Variants in FAAH2 observed in about 807,000 individuals in gnomAD.
FAAH2 encodes fatty acid amide hydrolase 2.
A neutral mutation model predicts 36.9 loss-of-function variants in FAAH2; 60 were observed. The observed-to-expected ratio is 1.63, with a 90% CI of 1.32 to 2.02. The LOEUF (loss-of-function observed/expected upper bound fraction) is 2.02, where lower values mean the gene tolerates loss of function less well. Among genes scored for constraint, FAAH2 ranks in the 30% most tolerant of loss-of-function variants. The probability of loss-of-function intolerance (pLI) is 0.00; values close to 1 mark genes in which losing one functional copy is unlikely to be tolerated. For synonymous variants in FAAH2, 214 were observed against 143.8 expected, an observed-to-expected ratio of 1.49 and a Z score of -3.49; for missense variants, 689 against 397.5, an observed-to-expected ratio of 1.73 and a Z score of -6.23.
At chrX:57,260,422 A>T in the FAAH2 span, among the ~76,000 whole-genome samples, 1 of 112,240 alleles carries the variant, frequency 8.9e-6, no homozygotes, top group African/African-American at 3.2e-5. Context: ...CTTAACTTGA[A>T]CTGAGTTATT....
At chrX:57,344,029 T>C (rs1165476943) in intron 5 of FAAH2, among the ~76,000 whole-genome samples, 1 of 111,187 alleles carries the variant, frequency 9.0e-6, no homozygotes, top group Non-Finnish European at 1.9e-5. Context: ...AATACAGTTT[T>C]AAGTTGGGTA....
chrX:57,135,480 G>GC, the FAAH2 span: 3,789 of 248,108 alleles, frequency 0.015, 138 homozygotes, highest in African/African-American at 0.1. Context: ...TCCTTCCCCT[G>GC]CCCCCTCCAG....
At chrX:57,457,009 C>G (rs1307160096) in intron 10 of FAAH2, among the ~76,000 whole-genome samples, 1 of 111,357 alleles carries the variant, frequency 9.0e-6, no homozygotes, top group African/African-American at 3.3e-5. Flanking sequence ...AAAAAAAATT[C>G]AAGTCAATAT....
At chrX:57,170,292 CAT>C in the FAAH2 span, among the ~76,000 whole-genome samples, 5 of 111,998 alleles carry the variant, frequency 4.5e-5, no homozygotes, top group Admixed American at 1.9e-4. Context: ...CATGTTGTAA[CAT>C]GTGACAAACT....
At chrX:57,315,683 A>C (rs1423242077) in intron 3 of FAAH2, among the ~76,000 whole-genome samples, 1 of 111,985 alleles carries the variant, frequency 8.9e-6, no homozygotes, top group Admixed American at 9.5e-5. Context: ...TAGATGCAGA[A>C]AAATAACTTT....
intron 9 of FAAH2, among the ~76,000 whole-genome samples, chrX:57,448,102 G>A (rs186959167): frequency 2.0e-4 from 22 of 111,308 alleles, no homozygotes; most frequent in Admixed American, 1.5e-3. Flanking sequence ...CAATCCTCCT[G>A]CCTCAACTCC....
intron 2 of FAAH2, among the ~76,000 whole-genome samples, chrX:57,300,243 T>A (rs2052306721): frequency 9.0e-6 from 1 of 111,700 alleles, no homozygotes; most frequent in Admixed American, 9.5e-5. Flanking sequence ...AGTATGGTAC[T>A]GGTACCAAAA....
At chrX:57,475,692 A>G (rs752648881) in intron 10 of FAAH2, among the ~76,000 whole-genome samples, 86 of 112,037 alleles carry the variant, frequency 7.7e-4, no homozygotes, top group Non-Finnish European at 1.4e-3. Flanking sequence ...TTCTGGTTCC[A>G]TATGAAATTT....
intron 7 of FAAH2, among the ~76,000 whole-genome samples, chrX:57,427,007 T>G (rs2056178394): frequency 9.1e-6 from 1 of 110,253 alleles, no homozygotes; most frequent in African/African-American, 3.3e-5. Flanking sequence ...AGAATAACCA[T>G]GAGAAGAAGA....
intron 10 of FAAH2, among the ~76,000 whole-genome samples, chrX:57,453,308 A>C (rs760676534): frequency 8.9e-6 from 1 of 112,656 alleles, no homozygotes; most frequent in Non-Finnish European, 1.9e-5. Context: ...TTCAACAAAA[A>C]TTTATGAGGC....
chrX:57,471,273 G>T (rs973676705), intron 10 of FAAH2, among the ~76,000 whole-genome samples: 1 of 111,669 alleles, frequency 9.0e-6, no homozygotes, highest in Non-Finnish European at 1.9e-5. Context: ...AAGGAATAAA[G>T]GGTATTCAAT....
chrX:57,413,027 G>C (rs1050610961), intron 7 of FAAH2, among the ~76,000 whole-genome samples: 1 of 112,108 alleles, frequency 8.9e-6, no homozygotes, highest in Admixed American at 9.4e-5. Context: ...ATATCTTCTA[G>C]TGAGAAGTGT....
chrX:57,335,247 A>G (rs923836587), intron 4 of FAAH2, among the ~76,000 whole-genome samples: 2 of 111,022 alleles, frequency 1.8e-5, no homozygotes, highest in African/African-American at 6.5e-5. Context: ...AAAGAGACAC[A>G]GAGACAAAGT....
chrX:57,434,275 C>T (rs2056364890), intron 8 of FAAH2, among the ~76,000 whole-genome samples: 1 of 108,522 alleles, frequency 9.2e-6, no homozygotes, highest in Non-Finnish European at 1.9e-5. Context: ...GGGGTTTCAC[C>T]ATTTTTGGCC....
At chrX:57,295,906 G>A (rs1469646606) in intron 2 of FAAH2, among the ~76,000 whole-genome samples, 1 of 112,503 alleles carries the variant, frequency 8.9e-6, no homozygotes, top group Non-Finnish European at 1.9e-5. Flanking sequence ...GCGAGGCTGG[G>A]GGAGGGGCGC....
the FAAH2 span, chrX:57,135,457 G>C: frequency 4.6e-6 from 1 of 219,247 alleles, no homozygotes; most frequent in Non-Finnish European, 8.1e-6. Flanking sequence ...CCCCAAGACA[G>C]CCAATCTCTT....
At chrX:57,251,622 A>T in the FAAH2 span, among the ~76,000 whole-genome samples, 1 of 112,100 alleles carries the variant, frequency 8.9e-6, no homozygotes, top group Admixed American at 9.5e-5. Flanking sequence ...AAAAACTGTT[A>T]AAACTAACAA....
At chrX:57,471,139 A>T (rs747320753) in intron 10 of FAAH2, among the ~76,000 whole-genome samples, 5 of 111,978 alleles carry the variant, frequency 4.5e-5, no homozygotes, top group African/African-American at 1.6e-4. Flanking sequence ...AGCCAATATC[A>T]TACTGAATGA....
chrX:57,194,513 T>C, the FAAH2 span, among the ~76,000 whole-genome samples: 2 of 111,885 alleles, frequency 1.8e-5, no homozygotes, highest in Non-Finnish European at 3.8e-5. Flanking sequence ...TCTTCTCTAA[T>C]GTTTGTTATT....
Sources: gnomAD v4.1 joint callset for allele counts (sites outside exome capture counted in the v4.1 genomes callset) on GRCh38, gnomAD v4.1.1 for gene constraint, MANE v1.5 for transcripts, NCBI Gene and HGNC (gene_info 2026-07-23, HGNC 2026-07-21) for gene names.